UGGT2: variants seen among roughly 807,000 people sequenced by gnomAD.
The protein encoded by UGGT2 is UDP-glucose:glycoprotein glucosyltransferase 2.
A neutral mutation model predicts 192.1 loss-of-function variants in UGGT2; 180 were observed. The ratio of observed to expected loss-of-function variants is 0.94; its 90% confidence interval spans 0.83 to 1.06. The LOEUF (loss-of-function observed/expected upper bound fraction) is 1.06, where lower values mean the gene tolerates loss of function less well. Ranked by LOEUF, UGGT2 falls within the 50% of genes least tolerant of loss-of-function variation. The pLI is 0.00. For synonymous variants in UGGT2, 580 were observed against 591.0 expected (o/e 0.98, Z 0.27); for missense variants, 1,849 against 1,795.7 (o/e 1.03, Z -0.54).
intron 6 of UGGT2, among the ~76,000 whole-genome samples, chr13:95,997,418 T>C (rs1392758841): frequency 6.6e-6 from 1 of 151,902 alleles, no homozygotes; most frequent in Non-Finnish European, 1.5e-5. Flanking sequence ...GAGGCTGAGG[T>C]GGGTGAATCA....
At chr13:95,866,714 A>G (rs1242827358) in intron 30 of UGGT2, among the ~76,000 whole-genome samples, 4 of 152,162 alleles carry the variant, frequency 2.6e-5, no homozygotes, top group Non-Finnish European at 4.4e-5. Flanking sequence ...CAAATTAAAT[A>G]AAAATGGCAG....
At chr13:95,875,440 C>T (rs1000557626) in intron 29 of UGGT2, among the ~76,000 whole-genome samples, 2 of 152,030 alleles carry the variant, frequency 1.3e-5, no homozygotes, top group Non-Finnish European at 2.9e-5. Context: ...TGAATATTAA[C>T]GCATTCTGCA....
At chr13:95,805,879 C>T (rs1487832721) in intron 38 of UGGT2, among the ~76,000 whole-genome samples, 1 of 151,558 alleles carries the variant, frequency 6.6e-6, no homozygotes, top group Non-Finnish European at 1.5e-5. Context: ...CATTACTGAA[C>T]TTAAAAATGG....
chr13:95,888,380 G>C (rs2047705817), intron 25 of UGGT2, among the ~76,000 whole-genome samples: 1 of 152,256 alleles, frequency 6.6e-6, no homozygotes, highest in East Asian at 1.9e-4. Context: ...GAAGTTCTTG[G>C]CTACCTACGA....
chr13:95,888,597 CTA>C (rs1342455350), intron 25 of UGGT2, among the ~76,000 whole-genome samples: 1 of 152,050 alleles, frequency 6.6e-6, no homozygotes, highest in African/African-American at 2.4e-5. Context: ...AACATAAAGA[CTA>C]AGGATTTAAG....
At chr13:95,806,260 A>C (rs1884302056) in intron 38 of UGGT2, among the ~76,000 whole-genome samples, 1 of 152,156 alleles carries the variant, frequency 6.6e-6, no homozygotes, top group Non-Finnish European at 1.5e-5. Flanking sequence ...AGGCAGGAAT[A>C]TGGGTAGCCT....
At chr13:95,840,334 T>TA (rs1887729673) in intron 36 of UGGT2, among the ~76,000 whole-genome samples, 1 of 151,858 alleles carries the variant, frequency 6.6e-6, no homozygotes, top group Admixed American at 6.6e-5. Context: ...ACAAGGAACT[T>TA]AAACAAATTT....
intron 1 of UGGT2, 121 bp downstream of exon 1, chr13:96,053,034 G>C: frequency 1.5e-6 from 2 of 1,325,918 alleles, no homozygotes; most frequent in Non-Finnish European, 9.8e-7. Flanking sequence ...CTCAGGGCCA[G>C]AGCGGGGGCG....
intron 30 of UGGT2, among the ~76,000 whole-genome samples, chr13:95,864,742 T>A (rs567385763): frequency 1.3e-5 from 2 of 152,326 alleles, no homozygotes; most frequent in African/African-American, 4.8e-5. Flanking sequence ...AACAATTAAC[T>A]GTTTCTTTCT....
At chr13:95,847,054 TTCTTTTC>T in intron 36 of UGGT2, among the ~76,000 whole-genome samples, 1 of 72,114 alleles carries the variant, frequency 1.4e-5, no homozygotes, top group Non-Finnish European at 4.1e-5. Flanking sequence ...TTCTTTTCTT[TTCTTTTC>T]TTTTTTTTTT....
At chr13:96,013,076 T>C (rs912140092) in intron 5 of UGGT2, among the ~76,000 whole-genome samples, 7 of 152,076 alleles carry the variant, frequency 4.6e-5, no homozygotes, top group African/African-American at 1.7e-4. Context: ...TTTTGTTTTT[T>C]ATCCAAGTTT....
chr13:95,875,923 A>T (rs1891632703), intron 29 of UGGT2, among the ~76,000 whole-genome samples: 2 of 152,234 alleles, frequency 1.3e-5, no homozygotes, highest in African/African-American at 4.8e-5. Context: ...ATTGAAAGCA[A>T]TGAAATCTAG....
At chr13:95,960,431 A>G (rs11841021) in intron 12 of UGGT2, among the ~76,000 whole-genome samples, 58,310 of 152,020 alleles carry the variant, frequency 0.38, 11,557 homozygotes, top group Middle Eastern at 0.46. Flanking sequence ...GAAAAGCTTC[A>G]GCAGTGGACT....
chr13:96,023,824 C>T, intron 2 of UGGT2, 65 bp from the exon 3 acceptor site: 1 of 1,318,096 alleles, frequency 7.6e-7, no homozygotes, highest in Non-Finnish European at 1.0e-6. Context: ...GGCACATCTT[C>T]CACTGTAAGG....
intron 29 of UGGT2, among the ~76,000 whole-genome samples, chr13:95,874,004 T>A (rs1016342037): frequency 2.6e-5 from 4 of 152,146 alleles, no homozygotes; most frequent in Non-Finnish European, 5.9e-5. Context: ...CCAGCTGCCT[T>A]TCATTCTTCA....
Position 95,829,207 on chromosome 13 carries a change from A to G in UGGT2, c.4528+3720T>C, listed in dbSNP as rs563493307. On this transcript the variant is annotated intron_variant, in intron 38 of 38. Coordinates refer to ENST00000376747, the MANE Select transcript of UGGT2 (RefSeq NM_020121.4). ...AGCGATTTATGACAAACCCACAGCC[A>G]GTATCATACTGAATGGGCAAAAACT... Among the ~76,000 whole-genome samples, 36 of 152,332 alleles carry G rather than the reference A, an allele frequency of 2.4e-4. 2 individuals are homozygous for G. In the South Asian group the frequency reaches 4.6e-3, roughly 19 times the overall value.
intron 20 of UGGT2, among the ~76,000 whole-genome samples, chr13:95,924,013 T>C (rs1264026061): frequency 6.6e-6 from 1 of 152,216 alleles, no homozygotes; most frequent in African/African-American, 2.4e-5. Context: ...TAGACAATGA[T>C]TATCTTTTTT....
chr13:95,857,325 T>C lies in UGGT2; in HGVS notation c.3826-985A>G, dbSNP rs957528179. On this transcript the variant is annotated intron_variant, in intron 33 of 38. Coordinates refer to ENST00000376747, the MANE Select transcript of UGGT2 (RefSeq NM_020121.4). ...ATATTCACTGAAACGGGCACTGTTC[T>C]AGGATCTAAGGGTACATTAGTGAAC... Among the ~76,000 whole-genome samples the C allele has an allele frequency of 2.6e-5, 4 of 152,136 alleles. No homozygotes were observed. The South Asian group carries it at 6.2e-4, about 24-fold the overall frequency.
At chr13:95,907,536 T>C (rs2140318911) in intron 20 of UGGT2, among the ~76,000 whole-genome samples, 1 of 152,276 alleles carries the variant, frequency 6.6e-6, no homozygotes, top group South Asian at 2.1e-4. Context: ...GCTGCCCCTC[T>C]GGGACAAAGA....
Sources: gnomAD v4.1 joint callset for allele counts (sites outside exome capture counted in the v4.1 genomes callset) on GRCh38, gnomAD v4.1.1 for gene constraint, MANE v1.5 for transcripts, NCBI Gene and HGNC (gene_info 2026-07-23, HGNC 2026-07-21) for gene names.